The following DNAH7 variants were observed in gnomAD, a reference collection of about 807,000 sequenced individuals.
DNAH7 encodes dynein axonemal heavy chain 7.
Under a neutral mutation model 444.6 loss-of-function variants are expected in DNAH7, and 397 were observed. The ratio of observed to expected loss-of-function variants is 0.89; its 90% CI spans 0.82 to 0.97. The LOEUF is 0.97. Ranked by LOEUF, DNAH7 falls within the 50% of genes least tolerant of loss-of-function variation. DNAH7 has a pLI of 0.00. For missense variants in DNAH7, 4,902 were observed against 4,800.8 expected, an observed-to-expected ratio of 1.02 and a Z score of -0.62; for synonymous variants, 1,636 against 1,624.4, an observed-to-expected ratio of 1.01 and a Z score of -0.17.
At position 195,748,943 on chromosome 2, in the gene DNAH7, A is replaced by G. The variant is rs529955007; in HGVS notation, c.11764+5394T>C. 3.1e-3 allele frequency among the ~76,000 whole-genome samples: 467 copies of G among 152,220 alleles called. 1 individual carries two copies. The highest frequency in any genetic ancestry group is 0.011 in the African/African-American group (438 of 41,438). Reference sequence around the variant, plus strand: ...AGGCATGGGCAAGGACTTCATGTCTAAAACACCAAAAGCAATGGCAACAAA... The same window carrying G: ...AGGCATGGGCAAGGACTTCATGTCTGAAACACCAAAAGCAATGGCAACAAA... On this transcript the variant is annotated intron_variant, in intron 63 of 64. Coordinates refer to ENST00000312428, the MANE Select transcript of DNAH7 (RefSeq NM_018897.3).
rs778207252 is a variant in DNAH7 at position 195,922,159 on chromosome 2, C to T, written c.3864G>A (p.Leu1288=). The T allele has an allele frequency of 1.1e-5, 17 of 1,613,140 alleles. No individual in the cohort carries two copies. The highest frequency in any genetic ancestry group is 1.4e-5 in the Non-Finnish European group (16 of 1,179,192). Residue 1288 remains leucine, a synonymous_variant, in exon 24 of 65, where the codon TTG becomes TTA. Transcript: ENST00000312428. ...HLETKMINAG[L]RYGYEYLGNS... is the part of the protein sequence containing the mutation. ...TACCCAGATATTCATATCCATATCG[C>T]AAACCAGCATTGATCATTTTTGTTT... is the stretch of plus-strand genomic sequence containing the variant.
intron 61 of DNAH7, among the ~76,000 whole-genome samples, chr2:195,764,822 T>C (rs1359937700): frequency 2.0e-5 from 3 of 151,806 alleles, no homozygotes; most frequent in Middle Eastern, 3.4e-3. Context: ...AAGCAGTCTA[T>C]AGATTCAGTG....
Position 195,864,309 on chromosome 2 carries a change from T to C in DNAH7, c.7346A>G (p.Gln2449Arg). 1 of 1,614,212 alleles carries C rather than the reference T, an allele frequency of 6.2e-7. No individual in the cohort carries two copies. The highest frequency in any genetic ancestry group is 8.5e-7 in the Non-Finnish European group (1 of 1,180,034). The change falls in exon 41 of 65, where the codon CAA becomes CGA. Residue 2449 changes from glutamine to arginine, a missense_variant. Gln to Arg is a conservative substitution (Grantham distance 43). Coordinates refer to ENST00000312428, the MANE Select transcript of DNAH7 (RefSeq NM_018897.3). ...QLDRQRDKTK[Q>R]TDGSPIALFN... Reference sequence around the variant, plus strand: ...AAGGGCTATGGGGCTGCCATCTGTTTGCTTGGTTTTATCCCGCTGGCGATC... The same window carrying C: ...AAGGGCTATGGGGCTGCCATCTGTTCGCTTGGTTTTATCCCGCTGGCGATC...
At chr2:195,779,932 G>GTA (rs542395638) in intron 58 of DNAH7, among the ~76,000 whole-genome samples, 247 of 152,088 alleles carry the variant, frequency 1.6e-3, no homozygotes, top group African/African-American at 5.6e-3. Flanking sequence ...GTACTTCTTT[G>GTA]TATATACTCT....
chr2:196,032,364 A>G (rs760064879), intron 5 of DNAH7, among the ~76,000 whole-genome samples: 2 of 152,212 alleles, frequency 1.3e-5, no homozygotes, highest in Non-Finnish European at 2.9e-5. Flanking sequence ...GAAACAGTTT[A>G]AAACACCACA....
intron 19 of DNAH7, among the ~76,000 whole-genome samples, chr2:195,939,171 C>T (rs1014316908): frequency 4.6e-5 from 7 of 152,096 alleles, no homozygotes; most frequent in African/African-American, 1.7e-4. Flanking sequence ...TTTTACTCCC[C>T]CTTTCCTTCT....
intron 33 of DNAH7, among the ~76,000 whole-genome samples, chr2:195,887,595 T>C (rs988810909): frequency 6.6e-6 from 1 of 152,234 alleles, no homozygotes; most frequent in Non-Finnish European, 1.5e-5. Flanking sequence ...TCAAGATTTT[T>C]TGTTATATCT....
At chr2:195,846,949 ATGTGTG>A (rs35075325) in intron 46 of DNAH7, among the ~76,000 whole-genome samples, 7 of 137,212 alleles carry the variant, frequency 5.1e-5, no homozygotes, top group African/African-American at 8.5e-5. Flanking sequence ...ACTCCCATAT[ATGTGTG>A]TGTGTGTGTG....
intron 60 of DNAH7, among the ~76,000 whole-genome samples, chr2:195,772,844 G>A (rs1167502471): frequency 3.4e-5 from 5 of 147,998 alleles, no homozygotes; most frequent in East Asian, 2.0e-4. Flanking sequence ...GCCGTGGCAC[G>A]ATTTCCGTTC....
chr2:195,816,477 A>G (rs1697223651), intron 51 of DNAH7, 151 bp downstream of exon 51: 1 of 613,956 alleles, frequency 1.6e-6, no homozygotes, highest in Non-Finnish European at 2.9e-6. Flanking sequence ...TCTAACCCCC[A>G]TATTTACTTC....
chr2:196,065,956 A>G (rs1379003152), intron 1 of DNAH7, among the ~76,000 whole-genome samples: 1 of 152,210 alleles, frequency 6.6e-6, no homozygotes, highest in Non-Finnish European at 1.5e-5. Context: ...ACACCTCTAC[A>G]AATGGTCTTT....
In DNAH7 at chr2:196,048,408, A is replaced by T. The variant is rs746162878; in HGVS notation, c.142-4T>A. 1 of 1,610,222 alleles carries T rather than the reference A, an allele frequency of 6.2e-7. No individual in the cohort carries two copies. The highest frequency in any genetic ancestry group is 1.1e-5 in the South Asian group (1 of 90,584). ...GCCAGTGGGGCTTTGTACTCACCTA[A>T]AATACAAAATTTAAATAGCATTAAC... On this transcript the variant is annotated splice_polypyrimidine_tract_variant and splice_region_variant and intron_variant, in intron 3 of 64. Transcript: ENST00000312428.
chr2:196,039,338 G>A (rs1441295493), intron 5 of DNAH7, among the ~76,000 whole-genome samples: 1 of 152,076 alleles, frequency 6.6e-6, no homozygotes, highest in East Asian at 1.9e-4. Flanking sequence ...TAAAACCTAT[G>A]GAATACAGCA....
At chr2:196,065,968 T>C (rs1461031630) in intron 1 of DNAH7, among the ~76,000 whole-genome samples, 2 of 152,256 alleles carry the variant, frequency 1.3e-5, no homozygotes, top group African/African-American at 2.4e-5. Context: ...ATGGTCTTTT[T>C]ATAAATGTTC....
chr2:195,911,943 A>G (rs919309376), intron 24 of DNAH7, among the ~76,000 whole-genome samples: 2 of 152,228 alleles, frequency 1.3e-5, no homozygotes, highest in Non-Finnish European at 2.9e-5. Context: ...GTAAACCTGT[A>G]TATTAATAGT....
chr2:195,990,528 A>G (rs768083938), intron 12 of DNAH7, among the ~76,000 whole-genome samples: 4 of 152,022 alleles, frequency 2.6e-5, no homozygotes, highest in Non-Finnish European at 5.9e-5. Context: ...GTGATAGTGT[A>G]CATCTGTAGT....
chr2:195,879,243 C>G (rs1405467576), intron 36 of DNAH7, among the ~76,000 whole-genome samples: 2 of 152,012 alleles, frequency 1.3e-5, no homozygotes, highest in Non-Finnish European at 2.9e-5. Context: ...CAGCGACACG[C>G]TGAGTCTAAA....
intron 12 of DNAH7, chr2:195,998,923 A>G (rs1693868680): frequency 3.9e-6 from 2 of 510,946 alleles, no homozygotes; most frequent in Non-Finnish European, 7.0e-6. Flanking sequence ...GACCAAAATG[A>G]GAGAAAGCAT....
chr2:195,906,749 T>G lies in DNAH7; in HGVS notation c.4245A>C (p.Gly1415=). The change falls in exon 27 of 65, where the codon GGA becomes GGC. Residue 1415 remains glycine, a synonymous_variant. Transcript: ENST00000312428. ...ATGTGGGGTCAAGTTTTAGTTCAGT[T>G]CCTTCAAACATCAGTATATCAGCAC... ...NAGADILMFE[G]TELKLDPTCA... 1.2e-6 allele frequency: 2 copies of G among 1,613,530 alleles called. No individual in the cohort carries two copies. Among genetic ancestry groups the G allele is most frequent in the Non-Finnish European group, 1.7e-6 (2 of 1,179,624 alleles).
Sources: allele counts gnomAD v4.1 joint callset (sites outside exome capture counted in the v4.1 genomes callset), GRCh38; gene constraint gnomAD v4.1.1; transcripts MANE v1.5; gene names NCBI Gene and HGNC (gene_info 2026-07-23, HGNC 2026-07-21).